Variants in AP1G1 observed in about 807,000 individuals in gnomAD.
AP1G1 encodes the protein AP-1 complex subunit gamma-1.
AP1G1 carries 7 observed loss-of-function variants against 108.3 expected under a neutral mutation model. The ratio of observed to expected loss-of-function variants is 0.06; its 90% CI spans 0.04 to 0.12. The LOEUF is 0.12. AP1G1 is among the 10% of genes least tolerant of loss of function. The pLI is 1.00. For synonymous variants in AP1G1, 379 were observed against 353.5 expected (o/e 1.07, Z -0.81); for missense variants, 756 against 1,010.7 (o/e 0.75, Z 3.42).
intron 1 of AP1G1, among the ~76,000 whole-genome samples, chr16:71,791,642 G>A (rs1422999905): frequency 7.2e-6 from 1 of 139,102 alleles, no homozygotes; most frequent in African/African-American, 2.7e-5. Context: ...CTGTGACACT[G>A]TATCCTGGGT....
intron 18 of AP1G1, 33 bp from the exon 19 acceptor site, chr16:71,745,303 TATTTG>T (rs1489978272): frequency 2.5e-6 from 4 of 1,613,114 alleles, no homozygotes; most frequent in South Asian, 2.2e-5. Flanking sequence ...AATTCATTAT[TATTTG>T]ATTTGTCTAG....
intron 10 of AP1G1, among the ~76,000 whole-genome samples, chr16:71,761,203 T>C (rs1262093528): frequency 2.6e-5 from 4 of 152,234 alleles, no homozygotes; most frequent in African/African-American, 9.6e-5. Flanking sequence ...ATGGCTAATT[T>C]CATGCTAAGG....
At chr16:71,768,917 CAAAAAAAAAAAA>C (rs58725744) in intron 6 of AP1G1, among the ~76,000 whole-genome samples, 1 of 42,164 alleles carries the variant, frequency 2.4e-5, no homozygotes, top group Non-Finnish European at 3.9e-5. Flanking sequence ...GACTCTGTCT[CAAAAAAAAAAAA>C]AAAAAAAAAA....
chr16:71,779,014 G>A (rs929407758), intron 2 of AP1G1, among the ~76,000 whole-genome samples: 4 of 152,246 alleles, frequency 2.6e-5, no homozygotes, highest in African/African-American at 4.8e-5. Context: ...TCTAGCAGAC[G>A]CTTTAATAAG....
chr16:71,750,128 AG>A, intron 14 of AP1G1, 81 bp downstream of exon 14: 6 of 1,545,280 alleles, frequency 3.9e-6, no homozygotes, highest in Non-Finnish European at 5.3e-6. Flanking sequence ...GGGAGAGAGG[AG>A]GGGGGAAAAA....
chr16:71,754,357 A>G (rs761670344), intron 12 of AP1G1, among the ~76,000 whole-genome samples: 14 of 144,098 alleles, frequency 9.7e-5, no homozygotes, highest in East Asian at 3.9e-4. Flanking sequence ...AGAAAGAAAG[A>G]AAGGAAGGAA....
chr16:71,750,065 T>A, intron 14 of AP1G1, 82 bp from the exon 15 acceptor site: 1 of 1,485,928 alleles, frequency 6.7e-7, no homozygotes, highest in Non-Finnish European at 9.4e-7. Flanking sequence ...CATCTCATAA[T>A]AAAGATCAAA....
At chr16:71,789,672 A>G (rs192034398) in intron 1 of AP1G1, among the ~76,000 whole-genome samples, 190 bp from the exon 2 acceptor site, 19 of 152,320 alleles carry the variant, frequency 1.2e-4, no homozygotes, top group Admixed American at 3.9e-4. Flanking sequence ...AACTCTGTAC[A>G]TTTCTGGAAA....
At chr16:71,748,997 C>G (rs1285949228) in intron 15 of AP1G1, among the ~76,000 whole-genome samples, 1 of 152,036 alleles carries the variant, frequency 6.6e-6, no homozygotes, top group Non-Finnish European at 1.5e-5. Context: ...AGCTCCACCT[C>G]CCGGGTTCAC....
At chr16:71,803,975 C>T (rs1168023194) in intron 1 of AP1G1, among the ~76,000 whole-genome samples, 1 of 149,966 alleles carries the variant, frequency 6.7e-6, no homozygotes, top group East Asian at 1.9e-4. Context: ...TTCTTGACCT[C>T]ATTGAAATAA....
intron 1 of AP1G1, 148 bp downstream of exon 1, chr16:71,808,610 GCCTCT>G (rs1567669304): frequency 1.6e-6 from 2 of 1,289,496 alleles, no homozygotes; most frequent in Non-Finnish European, 2.0e-6. Context: ...GGGGCTCCCG[GCCTCT>G]CCTGGCCCAG....
Position 71,761,502 on chromosome 16 carries a change from G to C in AP1G1, c.974+10C>G. On this transcript the variant is annotated intron_variant, in intron 10 of 22. Transcript: ENST00000299980. ...TATCCAAGATAAAAGACATATTTCAGTTAACTTACCTAATATTCTTGTCAT... is the reference window on the plus strand; with the variant it reads ...TATCCAAGATAAAAGACATATTTCACTTAACTTACCTAATATTCTTGTCAT... 6.5e-7 allele frequency: 1 copy of C among 1,549,278 alleles called. No homozygotes were observed. Among genetic ancestry groups the C allele is most frequent in the South Asian group, 1.1e-5 (1 of 89,216 alleles).
chr16:71,750,985 T>C (rs1470691180), intron 13 of AP1G1, among the ~76,000 whole-genome samples: 5 of 150,782 alleles, frequency 3.3e-5, no homozygotes, highest in Non-Finnish European at 1.5e-5. Context: ...TGAAACCCCG[T>C]CTCTACTAAA....
chr16:71,796,652 G>T (rs1404445605), intron 1 of AP1G1, among the ~76,000 whole-genome samples: 2 of 152,270 alleles, frequency 1.3e-5, no homozygotes, highest in Middle Eastern at 6.8e-3. Flanking sequence ...AATAGGCTGT[G>T]GAATGTAGGA....
intron 1 of AP1G1, chr16:71,808,180 G>A (rs2033062957): frequency 7.3e-6 from 8 of 1,096,406 alleles, no homozygotes; most frequent in African/African-American, 1.8e-5. Flanking sequence ...TATACTCGCA[G>A]GTAGGTTGAA....
intron 10 of AP1G1, among the ~76,000 whole-genome samples, chr16:71,759,376 G>C (rs886089428): frequency 6.6e-6 from 1 of 152,174 alleles, no homozygotes; most frequent in African/African-American, 2.4e-5. Context: ...CATGAGAATT[G>C]CTGGAACCTG....
intron 1 of AP1G1, among the ~76,000 whole-genome samples, chr16:71,803,168 G>A (rs909510513): frequency 1.3e-5 from 2 of 150,040 alleles, no homozygotes; most frequent in African/African-American, 4.9e-5. Context: ...AAGCTGAGAT[G>A]GCACCACTGC....
chr16:71,758,309 G>C, intron 11 of AP1G1: 1 of 423,712 alleles, frequency 2.4e-6, no homozygotes, highest in Non-Finnish European at 4.8e-6. Flanking sequence ...TGCTTTTTGA[G>C]AGTGCTACCT....
At chr16:71,743,475 C>T (rs1477197713) in intron 19 of AP1G1, 2 of 151,858 alleles carry the variant, frequency 1.3e-5, no homozygotes, top group African/African-American at 2.4e-5. Flanking sequence ...TGGTGGCATT[C>T]GCCTATAATC....
Sources: allele counts gnomAD v4.1 joint callset (sites outside exome capture counted in the v4.1 genomes callset), GRCh38; gene constraint gnomAD v4.1.1; transcripts MANE v1.5; gene names NCBI Gene and HGNC (gene_info 2026-07-23, HGNC 2026-07-21).